Variants in SRSF1 observed in about 807,000 individuals in gnomAD.
SRSF1 encodes serine/arginine-rich splicing factor 1.
Under a neutral mutation model 25.9 loss-of-function variants are expected in SRSF1, and 1 was observed. The ratio of observed to expected loss-of-function variants is 0.04; its 90% CI spans 0.01 to 0.18. SRSF1 has a LOEUF of 0.18. Among genes scored for constraint, SRSF1 ranks in the 10% least tolerant of loss-of-function variants. The pLI, the probability that SRSF1 is intolerant of heterozygous loss-of-function variation, is 1.00. For missense variants in SRSF1, 65 were observed against 350.5 expected (o/e 0.19, Z 6.50); for synonymous variants, 132 against 126.2 (o/e 1.05, Z -0.31).
chr17:57,991,706 C>T, the SRSF1 span: 63 of 151,388 alleles, frequency 4.2e-4, no homozygotes, highest in Non-Finnish European at 6.5e-4. Context: ...CTCCTCACTG[C>T]CTGAACTGGA....
At chr17:57,995,869 G>A in the SRSF1 span, among the ~76,000 whole-genome samples, 8 of 152,278 alleles carry the variant, frequency 5.3e-5, no homozygotes, top group Non-Finnish European at 7.4e-5. Context: ...AGGACTGGGC[G>A]CAGTGGCTCA....
Position 58,005,820 on chromosome 17 carries a change from G to A in SRSF1, c.533C>T (p.Thr178Ile). The change falls in exon 3 of 4, where the codon ACT becomes ATT. Residue 178 changes from threonine to isoleucine, a missense_variant. Thr to Ile is a moderately conservative substitution (Grantham distance 89). This residue lies in a region of SRSF1 where 63 missense variants were observed against 284.8 expected (regional missense o/e 0.22). Coordinates refer to ENST00000258962, the MANE Select transcript of SRSF1 (RefSeq NM_006924.5). This position sits in a 1 kb window ranked among gnomAD's most constrained non-coding sequence, Gnocchi z 5.2. ...MTYAVRKLDNTKFRSHEGETA... is the reference protein window; with the variant it reads ...MTYAVRKLDNIKFRSHEGETA... ...ACCTACCTCATGAGATCTAAACTTA[G>A]TGTTATCCAGTTTTCGAACTGCATA... 1 of 1,614,048 alleles carries A rather than the reference G, an allele frequency of 6.2e-7. No individual in the cohort carries two copies.
At chr17:57,990,152 C>T in the SRSF1 span, 4 of 158,382 alleles carry the variant, frequency 2.5e-5, no homozygotes, top group African/African-American at 9.8e-5. Context: ...ATTCTAATGA[C>T]AATATCGCTG....
At chr17:57,995,086 A>C in the SRSF1 span, among the ~76,000 whole-genome samples, 1 of 152,368 alleles carries the variant, frequency 6.6e-6, no homozygotes, top group East Asian at 1.9e-4. Flanking sequence ...TAGATTACCA[A>C]CTAGGGTTGC....
chr17:57,989,308 C>T, the SRSF1 span: 1 of 398,484 alleles, frequency 2.5e-6, no homozygotes, highest in African/African-American at 2.1e-5. Context: ...AAACAAGTGT[C>T]TCTAGTCCAA....
At chr17:57,994,128 A>G in the SRSF1 span, 1 of 152,224 alleles carries the variant, frequency 6.6e-6, no homozygotes, top group Non-Finnish European at 1.5e-5. Flanking sequence ...TATTCCTCAC[A>G]TATGAAAAGA....
At chr17:57,997,937 A>C (rs2075371320), downstream of SRSF1, among the ~76,000 whole-genome samples, 1 of 152,182 alleles carries the variant, frequency 6.6e-6, no homozygotes, top group Non-Finnish European at 1.5e-5. Flanking sequence ...GATGTCAGCC[A>C]GGTGCGCTGG....
rs769850800 is a variant in SRSF1 at position 58,006,350 on chromosome 17, A to C, written c.372T>G (p.Val124=). The change falls in exon 2 of 4, where the codon GTT becomes GTG. Residue 124 remains valine (V), a synonymous_variant. Transcript: ENST00000258962. ...PPSRRSENRV[V]VSGLPPSGSW... is the part of the protein sequence containing the mutation. ...CACAACCAGTACACTCACCAGAGAC[A>C]ACCACTCTGTTTTCAGACCGCCTGG... 11 of 1,611,952 alleles carry C rather than the reference A, an allele frequency of 6.8e-6. No individual in the cohort carries two copies. The East Asian group carries it at 2.2e-4, about 33-fold the overall frequency.
chr17:57,994,250 G>A, the SRSF1 span: 1 of 152,188 alleles, frequency 6.6e-6, no homozygotes, highest in South Asian at 2.1e-4. Context: ...AGCACATCTA[G>A]TGAAACTGAT....
At chr17:57,990,008 C>T in the SRSF1 span, 2 of 352,906 alleles carry the variant, frequency 5.7e-6, no homozygotes, top group African/African-American at 2.1e-5. Flanking sequence ...CCTGCCTTAA[C>T]TCACTCAAGG....
chr17:57,989,499 CA>C, the SRSF1 span: 1 of 397,722 alleles, frequency 2.5e-6, no homozygotes, highest in Non-Finnish European at 4.4e-6. Context: ...TCAAGGTCAC[CA>C]TCTCCAACTT....
chr17:58,006,240 G>A, intron 2 of SRSF1, 103 bp downstream of exon 2: 14 of 1,383,840 alleles, frequency 1.0e-5, no homozygotes, highest in South Asian at 1.4e-5. Context: ...AGCAATTTAA[G>A]ACCTAGCATG....
At chr17:57,989,672 T>C in the SRSF1 span, 1 of 398,650 alleles carries the variant, frequency 2.5e-6, no homozygotes, top group Non-Finnish European at 4.4e-6. Flanking sequence ...CTGGAAAACG[T>C]TGGTCTGGTT....
At chr17:57,991,160 T>C in the SRSF1 span, 1 of 152,232 alleles carries the variant, frequency 6.6e-6, no homozygotes, top group Non-Finnish European at 1.5e-5. Flanking sequence ...CAAAGAGCCC[T>C]AAGGTAAACG....
chr17:58,005,615 G>C lies in SRSF1; in HGVS notation c.553-15C>G, dbSNP rs779019819. On this transcript the variant is annotated splice_polypyrimidine_tract_variant and intron_variant, in intron 3 of 3. Transcript: ENST00000258962. The surrounding 1 kb of genome is among the most constrained non-coding windows in gnomAD (Gnocchi z 5.2). The stretch of plus-strand genomic sequence containing the variant: ...GCAGTTTCTCCCTATTGGATAGACA[G>C]AACTTTCCATTGAAAGATCTAAGCT... The C allele has an allele frequency of 6.2e-7, 1 of 1,612,668 alleles. No individual in the cohort carries two copies. Among genetic ancestry groups the C allele is most frequent in the African/African-American group, 1.3e-5 (1 of 74,830 alleles).
downstream of SRSF1, among the ~76,000 whole-genome samples, chr17:57,997,986 G>C (rs376523241): frequency 2.0e-5 from 3 of 152,194 alleles, no homozygotes; most frequent in East Asian, 3.9e-4. Context: ...AGGCCGAGGC[G>C]GGCGGATCAC....
In SRSF1 at chr17:58,001,188, T is replaced by G. The variant is rs1374452579; in HGVS notation, c.*4218A>C. On this transcript the variant is annotated 3_prime_UTR_variant, in exon 4 of 4. Transcript: ENST00000258962. ...TACAAAGTAAGCAAAAAGGCACACATAAGAAATCCACCTTGACCACAGAAA... is the reference window on the plus strand; with the variant it reads ...TACAAAGTAAGCAAAAAGGCACACAGAAGAAATCCACCTTGACCACAGAAA... Among the ~76,000 whole-genome samples, 1 of 152,020 alleles carries G rather than the reference T, an allele frequency of 6.6e-6. No homozygotes were observed. The highest frequency in any genetic ancestry group is 1.5e-5 in the Non-Finnish European group (1 of 67,970).
rs1455217983 is a variant in SRSF1 at position 58,002,517 on chromosome 17, AT to A, written c.*2888del. On this transcript the variant is annotated 3_prime_UTR_variant, in exon 4 of 4. Transcript: ENST00000258962. Reference sequence around the variant, plus strand: ...GTACCAAGGGGCTGTCAGTAGACAAATACAAGAAGTAGCAGGCTAAAAGTTT... The same window carrying A: ...GTACCAAGGGGCTGTCAGTAGACAAAACAAGAAGTAGCAGGCTAAAAGTTT... Among the ~76,000 whole-genome samples the A allele has an allele frequency of 8.5e-5, 13 of 152,250 alleles. No homozygotes were observed. Among genetic ancestry groups the A allele is most frequent in the African/African-American group, 2.4e-4 (10 of 41,466 alleles).
chr17:57,999,545 A>G (rs777051384), downstream of SRSF1, among the ~76,000 whole-genome samples: 2 of 152,232 alleles, frequency 1.3e-5, no homozygotes, highest in Non-Finnish European at 2.9e-5. Context: ...AGACAAAGGT[A>G]AAGTTGCAAG....
Sources: allele counts gnomAD v4.1 joint callset (sites outside exome capture counted in the v4.1 genomes callset), GRCh38; gene constraint gnomAD v4.1.1; regional missense constraint gnomAD v4.1.1; non-coding constraint Gnocchi (gnomAD v3.1); transcripts MANE v1.5; gene names NCBI Gene and HGNC (gene_info 2026-07-23, HGNC 2026-07-21).